CAP1: variants seen among roughly 807,000 people sequenced by gnomAD.
CAP1 encodes the protein adenylyl cyclase-associated protein 1.
In CAP1, 11 loss-of-function variants were observed where a neutral mutation model predicts 58.2. The observed-to-expected ratio is 0.19, with a 90% CI of 0.12 to 0.31. The LOEUF (loss-of-function observed/expected upper bound fraction) is 0.31, where lower values mean the gene tolerates loss of function less well. Among genes scored for constraint, CAP1 ranks in the 10% least tolerant of loss-of-function variants. The probability of loss-of-function intolerance (pLI) is 1.00; values close to 1 mark genes in which losing one functional copy is unlikely to be tolerated. For synonymous variants in CAP1, 183 were observed against 213.8 expected (o/e 0.86, Z 1.26); for missense variants, 423 against 587.5 (o/e 0.72, Z 2.89).
At chr1:40,045,280 G>A (rs1411570672) in intron 1 of CAP1, among the ~76,000 whole-genome samples, 1 of 152,144 alleles carries the variant, frequency 6.6e-6, no homozygotes, top group Non-Finnish European at 1.5e-5. Context: ...AGCTATGATT[G>A]TACAATGTCC....
chr1:40,067,329 A>G, intron 7 of CAP1: 1 of 464,794 alleles, frequency 2.2e-6, no homozygotes, highest in South Asian at 4.2e-5. Flanking sequence ...CAAAGGCAAA[A>G]TGTGATGGTC....
intron 6 of CAP1, 39 bp from the exon 7 acceptor site, chr1:40,066,176 C>T (rs1271171717): frequency 3.6e-6 from 4 of 1,125,156 alleles, no homozygotes; most frequent in African/African-American, 1.5e-5. Context: ...TGTTATGTAC[C>T]CGGATCACCT....
At chr1:40,041,155 C>G (rs932311737) in intron 1 of CAP1, among the ~76,000 whole-genome samples, 1 of 152,184 alleles carries the variant, frequency 6.6e-6, no homozygotes, top group African/African-American at 2.4e-5. Context: ...TAAATTGATC[C>G]CTAGAGAAGA....
chr1:40,064,620 A>G (rs1012795584), intron 6 of CAP1, 61 bp downstream of exon 6: 1 of 1,280,816 alleles, frequency 7.8e-7, no homozygotes, highest in Admixed American at 1.7e-5. Context: ...GTTGTCACCC[A>G]GGCTGAAGTA....
chr1:40,053,939 CT>C (rs944688753), intron 1 of CAP1, among the ~76,000 whole-genome samples: 11 of 152,108 alleles, frequency 7.2e-5, no homozygotes, highest in African/African-American at 1.7e-4. Context: ...AAGAAGAGTA[CT>C]TTCCTTATGG....
At chr1:40,054,193 C>CTTTTTTTTTTT (rs398052925) in intron 1 of CAP1, among the ~76,000 whole-genome samples, 2,512 of 135,154 alleles carry the variant, frequency 0.019, 31 homozygotes, top group Middle Eastern at 0.027. Flanking sequence ...GCCCACTGTT[C>CTTTTTTTTTTT]TTTTTTTTTT....
In CAP1 at chr1:40,069,874, G is replaced by C; in HGVS notation, c.993G>C (p.Val331=). 6.5e-7 allele frequency: 1 copy of C among 1,549,762 alleles called. No homozygotes were observed. The highest frequency in any genetic ancestry group is 8.7e-7 in the Non-Finnish European group (1 of 1,152,758). Residue 331 remains valine, a splice_region_variant and synonymous_variant, in exon 9 of 13, where the codon GTG becomes GTC. Coordinates refer to ENST00000372805, the MANE Select transcript of CAP1 (RefSeq NM_006367.4). ...AACTGGAGGGCAAGAAGTGGAGAGT[G>C]GTGAGTTAAAAATACCTAGACAGGG... The part of the protein sequence containing the change: ...VLELEGKKWR[V]ENQENVSNLV...
chr1:40,069,683 C>T lies in CAP1; in HGVS notation c.809-7C>T, dbSNP rs762444407. On this transcript the variant is annotated splice_region_variant and splice_polypyrimidine_tract_variant and intron_variant, in intron 8 of 12. Coordinates refer to ENST00000372805, the MANE Select transcript of CAP1 (RefSeq NM_006367.4). ...GGACAGGAACAAGGTAGCTGTTGTT[C>T]TTACAGCCCTGAAACATGTATCTGA... The T allele has an allele frequency of 6.2e-7, 1 of 1,611,306 alleles. No homozygotes were observed. The highest frequency in any genetic ancestry group is 2.2e-5 in the East Asian group (1 of 44,658).
At chr1:40,058,078 A>C (rs1279563499) in intron 1 of CAP1, among the ~76,000 whole-genome samples, 1 of 152,232 alleles carries the variant, frequency 6.6e-6, no homozygotes, top group Non-Finnish European at 1.5e-5. Context: ...AGTAAGGAAC[A>C]AGCTATATAA....
At chr1:40,056,838 A>G (rs1646638886) in intron 1 of CAP1, among the ~76,000 whole-genome samples, 1 of 152,190 alleles carries the variant, frequency 6.6e-6, no homozygotes, top group Non-Finnish European at 1.5e-5. Context: ...ACACACATAC[A>G]ATGTCATACT....
intron 1 of CAP1, among the ~76,000 whole-genome samples, chr1:40,041,690 C>A (rs1237044040): frequency 2.6e-5 from 4 of 152,120 alleles, no homozygotes; most frequent in African/African-American, 7.2e-5. Flanking sequence ...TTCCCAGATG[C>A]GGGGAATGCA....
intron 1 of CAP1, among the ~76,000 whole-genome samples, chr1:40,055,314 A>G (rs543741155): frequency 7.2e-6 from 1 of 138,970 alleles, no homozygotes; most frequent in East Asian, 2.1e-4. Flanking sequence ...GCTCTGGGGT[A>G]TGTGTCAAAT....
chr1:40,063,568 C>T (rs1312898408), intron 4 of CAP1, among the ~76,000 whole-genome samples: 1 of 152,180 alleles, frequency 6.6e-6, no homozygotes, highest in Non-Finnish European at 1.5e-5. Context: ...CCTGCCTTGG[C>T]CTCCCAAAGT....
intron 1 of CAP1, among the ~76,000 whole-genome samples, chr1:40,047,736 A>G (rs1254663732): frequency 6.6e-6 from 1 of 152,244 alleles, no homozygotes; most frequent in Non-Finnish European, 1.5e-5. Flanking sequence ...AGGAGAGAAG[A>G]GAACCCATGA....
At chr1:40,049,854 C>A (rs1200923876) in intron 1 of CAP1, among the ~76,000 whole-genome samples, 2 of 152,152 alleles carry the variant, frequency 1.3e-5, no homozygotes, top group East Asian at 3.8e-4. Context: ...CAGGAGTCAT[C>A]TTTGCCTCCC....
chr1:40,067,516 T>C, intron 7 of CAP1, 24 bp from the exon 8 acceptor site: 1 of 1,588,404 alleles, frequency 6.3e-7, no homozygotes, highest in Non-Finnish European at 8.6e-7. Flanking sequence ...AGGATGATGA[T>C]GTTACCTGCA....
chr1:40,069,944 T>G (rs1244830710), intron 9 of CAP1, 70 bp downstream of exon 9: 3 of 1,465,084 alleles, frequency 2.0e-6, no homozygotes, highest in Non-Finnish European at 2.7e-6. Context: ...GAGTTTCACT[T>G]TGTCGCCCAG....
chr1:40,047,160 G>A (rs1444608439), intron 1 of CAP1, among the ~76,000 whole-genome samples: 1 of 128,334 alleles, frequency 7.8e-6, no homozygotes, highest in Non-Finnish European at 1.6e-5. Flanking sequence ...TAATCTTATG[G>A]GACCACTGTT....
rs536604899 is a variant in CAP1, at chr1:40,072,470, C to G, written c.*937C>G. On this transcript the variant is annotated 3_prime_UTR_variant, in exon 13 of 13. Transcript: ENST00000372805. ...TATGTAAGAATCTTGCACAGCACTG[C>G]TAATGTAAATTTCAGTTGTTTTTCC... 4.4e-4 allele frequency: 76 copies of G among 171,872 alleles called. No homozygotes were observed. The highest frequency in any genetic ancestry group is 8.2e-4 in the Non-Finnish European group (67 of 81,726). The allele number at this position is 171,872 out of a possible 1,614,324, so 10.6% of individuals were successfully genotyped here.
Sources: allele counts gnomAD v4.1 joint callset (sites outside exome capture counted in the v4.1 genomes callset), GRCh38; gene constraint gnomAD v4.1.1; transcripts MANE v1.5; gene names NCBI Gene and HGNC (gene_info 2026-07-23, HGNC 2026-07-21).